UBE2QL1: variants seen among roughly 807,000 people sequenced by gnomAD.
The protein encoded by UBE2QL1 is ubiquitin conjugating enzyme E2 QL1.
UBE2QL1 carries 5 observed loss-of-function variants against 12.6 expected under a neutral mutation model. The ratio of observed to expected loss-of-function variants is 0.40; its 90% CI spans 0.21 to 0.83. UBE2QL1 has a LOEUF of 0.83. Ranked by LOEUF, UBE2QL1 falls within the 40% of genes least tolerant of loss-of-function variation. UBE2QL1 has a pLI of 0.37. For synonymous variants in UBE2QL1, 96 were observed against 94.5 expected (o/e 1.02, Z -0.10); for missense variants, 99 against 222.6 (o/e 0.44, Z 3.53).
chr5:6,474,986 G>GT (rs1348970892), intron 1 of UBE2QL1, among the ~76,000 whole-genome samples: 1 of 152,230 alleles, frequency 6.6e-6, no homozygotes, highest in Non-Finnish European at 1.5e-5. Context: ...GACTGAGCAT[G>GT]TGTGTGCATG....
chr5:6,463,718 C>T (rs1739725720), intron 1 of UBE2QL1, among the ~76,000 whole-genome samples: 1 of 150,856 alleles, frequency 6.6e-6, no homozygotes, highest in Non-Finnish European at 1.5e-5. Context: ...AGCTCCGCCT[C>T]CCGGGTTCAC....
Position 6,478,178 on chromosome 5 carries a change from A to C in UBE2QL1, c.355-13040A>C, listed in dbSNP as rs989876709. 6.6e-6 allele frequency among the ~76,000 whole-genome samples: 1 copy of C among 152,206 alleles called. No homozygotes were observed. Among genetic ancestry groups the C allele is most frequent in the Non-Finnish European group, 1.5e-5 (1 of 68,038 alleles). On this transcript the variant is annotated intron_variant, in intron 1 of 1. Coordinates refer to ENST00000399816, the MANE Select transcript of UBE2QL1 (RefSeq NM_001145161.3). This position sits in a 1 kb window ranked among gnomAD's most constrained non-coding sequence, Gnocchi z 4.5. ...TGCCCAGATCATATTTTCACACGGAAATTTTACCTGAAAATATATCTGAAG... is the reference window on the plus strand; with the variant it reads ...TGCCCAGATCATATTTTCACACGGACATTTTACCTGAAAATATATCTGAAG...
Position 6,479,133 on chromosome 5 carries a change from G to A in UBE2QL1, c.355-12085G>A, listed in dbSNP as rs1020816676. ...GTGGGCATCTAGGGACACACAGCAC[G>A]GGAGGCCACAGAGCTGAGTGAGCAG... On this transcript the variant is annotated intron_variant, in intron 1 of 1. Coordinates refer to ENST00000399816, the MANE Select transcript of UBE2QL1 (RefSeq NM_001145161.3). The surrounding 1 kb of genome is among the most constrained non-coding windows in gnomAD (Gnocchi z 4.2). Among the ~76,000 whole-genome samples the A allele has an allele frequency of 1.3e-5, 2 of 152,058 alleles. No homozygotes were observed. The highest frequency in any genetic ancestry group is 4.8e-5 in the African/African-American group (2 of 41,398).
chr5:6,454,844 A>G (rs1739486024), intron 1 of UBE2QL1, among the ~76,000 whole-genome samples: 1 of 152,026 alleles, frequency 6.6e-6, no homozygotes, highest in South Asian at 2.1e-4. Flanking sequence ...GGGCACGGAG[A>G]TTATTGCCAC....
chr5:6,492,601 C>T lies in UBE2QL1; in HGVS notation c.*1252C>T, dbSNP rs556650728. 3.3e-5 allele frequency: 5 copies of T among 152,328 alleles called. No homozygotes were observed. Among genetic ancestry groups the T allele is most frequent in the African/African-American group, 1.2e-4 (5 of 41,568 alleles). The allele number at this position is 152,328 out of a possible 1,614,324, so 9.4% of individuals were successfully genotyped here. A position where few individuals can be genotyped will look rare whatever the true frequency, so the allele number is the denominator to read the frequency against. ...AAAATCATGCATACCTGATACACTG[C>T]CTCAAGGATCCAGTCATTGTGGGCT... On this transcript the variant is annotated 3_prime_UTR_variant, in exon 2 of 2. Transcript: ENST00000399816.
chr5:6,454,666 C>G lies in UBE2QL1; in HGVS notation c.354+5419C>G, dbSNP rs530949033. ...GAGGCACTGGATGGAGAATGTTGCC[C>G]GCAGCTTTGAGCAGAGAGATGGCTG... On this transcript the variant is annotated intron_variant, in intron 1 of 1. Coordinates refer to ENST00000399816, the MANE Select transcript of UBE2QL1 (RefSeq NM_001145161.3). Among the ~76,000 whole-genome samples, 44 of 152,190 alleles carry G rather than the reference C, an allele frequency of 2.9e-4. 1 individual carries two copies. Among genetic ancestry groups the G allele is most frequent in the South Asian group, 1.9e-3 (9 of 4,814 alleles).
intron 1 of UBE2QL1, among the ~76,000 whole-genome samples, chr5:6,474,583 G>A (rs1333620318): frequency 6.6e-6 from 1 of 152,212 alleles, no homozygotes; most frequent in Non-Finnish European, 1.5e-5. Context: ...ATGACATAAT[G>A]TGTAAAATAC....
At chr5:6,469,155 AGCAAATCT>A (rs1362340625) in intron 1 of UBE2QL1, among the ~76,000 whole-genome samples, 1 of 152,216 alleles carries the variant, frequency 6.6e-6, no homozygotes, top group Non-Finnish European at 1.5e-5. Context: ...GATGGAGGGC[AGCAAATCT>A]GCCTGAGCTT....
chr5:6,458,926 G>A (rs2126330730), intron 1 of UBE2QL1, among the ~76,000 whole-genome samples: 1 of 152,218 alleles, frequency 6.6e-6, no homozygotes, highest in Middle Eastern at 3.4e-3. Flanking sequence ...GCCCTCTCCT[G>A]CAGCGCACAT....
intron 1 of UBE2QL1, among the ~76,000 whole-genome samples, chr5:6,469,312 A>G (rs1739858162): frequency 6.6e-6 from 1 of 152,124 alleles, no homozygotes; most frequent in Non-Finnish European, 1.5e-5. Context: ...GGGATTTTCC[A>G]TAAACTTCAG....
chr5:6,490,409 T>C (rs1262031739), intron 1 of UBE2QL1, among the ~76,000 whole-genome samples: 4 of 152,242 alleles, frequency 2.6e-5, no homozygotes, highest in Non-Finnish European at 5.9e-5. Context: ...CGTCATAAGA[T>C]GGGTCAGTCC....
chr5:6,449,868 A>AACCCC (rs1739376273), intron 1 of UBE2QL1, among the ~76,000 whole-genome samples: 4 of 117,114 alleles, frequency 3.4e-5, no homozygotes, highest in Non-Finnish European at 3.5e-5. Context: ...CACCTCCCCA[A>AACCCC]CCCCCCCCAC....
At chr5:6,450,086 A>ACCC (rs768975053) in intron 1 of UBE2QL1, among the ~76,000 whole-genome samples, 12 of 104,336 alleles carry the variant, frequency 1.2e-4, no homozygotes, top group African/African-American at 3.5e-4. Context: ...ACAAGACCAG[A>ACCC]CCCCCCCCCC....
chr5:6,468,082 A>AT (rs1739835073), intron 1 of UBE2QL1, among the ~76,000 whole-genome samples: 3 of 151,462 alleles, frequency 2.0e-5, no homozygotes, highest in African/African-American at 7.3e-5. Flanking sequence ...GGATGACACT[A>AT]TTTTTTGTCT....
In UBE2QL1 at chr5:6,449,870, C is replaced by CCCG. The variant is rs1553987103; in HGVS notation, c.354+625_354+626insGCC. Among the ~76,000 whole-genome samples, 6 of 145,272 alleles carry CCCG rather than the reference C, an allele frequency of 4.1e-5. 1 individual carries two copies. Among genetic ancestry groups the CCCG allele is most frequent in the African/African-American group, 1.6e-4 (6 of 38,058 alleles). On this transcript the variant is annotated intron_variant, in intron 1 of 1. Coordinates refer to ENST00000399816, the MANE Select transcript of UBE2QL1 (RefSeq NM_001145161.3). Reference sequence around the variant, plus strand: ...CTAGCTGATCTCCCACCTCCCCAACCCCCCCCACACACACACACACAAGGC... The same window carrying CCCG: ...CTAGCTGATCTCCCACCTCCCCAACCCCGCCCCCCACACACACACACACAAGGC...
rs753852269 is a variant in UBE2QL1, at chr5:6,476,348, T to C, written c.355-14870T>C. Among the ~76,000 whole-genome samples the C allele has an allele frequency of 4.6e-5, 7 of 152,192 alleles. No homozygotes were observed. The highest frequency in any genetic ancestry group is 1.0e-4 in the Non-Finnish European group (7 of 68,032). On this transcript the variant is annotated intron_variant, in intron 1 of 1. Coordinates refer to ENST00000399816, the MANE Select transcript of UBE2QL1 (RefSeq NM_001145161.3). This position sits in a 1 kb window ranked among gnomAD's most constrained non-coding sequence, Gnocchi z 4.9. ...ATGGTTCCAGCTTATTTTGAGGTGT[T>C]TGGTTGTTAAAAGTTTTTCAGCACT...
At chr5:6,456,653 C>T (rs993431651) in intron 1 of UBE2QL1, among the ~76,000 whole-genome samples, 1 of 152,174 alleles carries the variant, frequency 6.6e-6, no homozygotes. Context: ...ATTCCCATGA[C>T]GACCCTTCCC....
rs1734287853 is a variant in UBE2QL1 at position 6,478,672 on chromosome 5, T to C, written c.355-12546T>C. On this transcript the variant is annotated intron_variant, in intron 1 of 1. Coordinates refer to ENST00000399816, the MANE Select transcript of UBE2QL1 (RefSeq NM_001145161.3). This position sits in a 1 kb window ranked among gnomAD's most constrained non-coding sequence, Gnocchi z 4.5. ...GCATCGCCGTACCTACTATCTGTGC[T>C]GAGAGAACTGTTCCGCAGCAAGGCT... Among the ~76,000 whole-genome samples, 1 of 151,796 alleles carries C rather than the reference T, an allele frequency of 6.6e-6. No homozygotes were observed. The highest frequency in any genetic ancestry group is 6.6e-5 in the Admixed American group (1 of 15,242).
intron 1 of UBE2QL1, among the ~76,000 whole-genome samples, chr5:6,452,183 A>G (rs1739424710): frequency 6.6e-6 from 1 of 152,200 alleles, no homozygotes; most frequent in South Asian, 2.1e-4. Context: ...TGTGTAACAT[A>G]AAAATATCTG....
Sources: allele counts gnomAD v4.1 joint callset (sites outside exome capture counted in the v4.1 genomes callset), GRCh38; gene constraint gnomAD v4.1.1; non-coding constraint Gnocchi (gnomAD v3.1); transcripts MANE v1.5; gene names NCBI Gene and HGNC (gene_info 2026-07-23, HGNC 2026-07-21).